Variants in NTRK3 observed in about 807,000 individuals in gnomAD.
NTRK3 encodes the protein NT-3 growth factor receptor.
NTRK3 carries 24 observed loss-of-function variants against 91.7 expected under a neutral mutation model. The ratio of observed to expected loss-of-function variants is 0.26; its 90% CI spans 0.19 to 0.37. The LOEUF (loss-of-function observed/expected upper bound fraction) is 0.37, where lower values mean the gene tolerates loss of function less well. Ranked by LOEUF, NTRK3 falls within the 10% of genes least tolerant of loss-of-function variation. The probability of loss-of-function intolerance (pLI) is 1.00; values close to 1 mark genes in which losing one functional copy is unlikely to be tolerated. For synonymous variants in NTRK3, 483 were observed against 404.0 expected, an observed-to-expected ratio of 1.20 and a Z score of -2.34; for missense variants, 880 against 1,068.9, an observed-to-expected ratio of 0.82 and a Z score of 2.46.
intron 13 of NTRK3, chr15:88,099,155 A>G: frequency 4.3e-6 from 1 of 230,938 alleles, no homozygotes; most frequent in South Asian, 1.8e-4. Flanking sequence ...GGAGGCTGTG[A>G]GAGGCTCCAG....
chr15:88,247,202 TCTC>T (rs1336016194), intron 3 of NTRK3, among the ~76,000 whole-genome samples: 2 of 151,994 alleles, frequency 1.3e-5, no homozygotes, highest in Non-Finnish European at 2.9e-5. Flanking sequence ...CCCTTCGTGT[TCTC>T]CTCTTCTCTG....
chr15:87,860,691 G>A (rs1560976), exon 19 of NTRK3: 108,840 of 208,042 alleles, frequency 0.52, 30,410 homozygotes, highest in Non-Finnish European at 0.61. Context: ...GATACGATTA[G>A]TAAAACCCAG....
chr15:88,198,459 T>C (rs2048018020), intron 3 of NTRK3, among the ~76,000 whole-genome samples: 1 of 152,168 alleles, frequency 6.6e-6, no homozygotes, highest in South Asian at 2.1e-4. Context: ...TCCTCTCCCC[T>C]AAGCTTTTAA....
chr15:88,197,808 A>G (rs1023865990), intron 3 of NTRK3, among the ~76,000 whole-genome samples: 1 of 152,086 alleles, frequency 6.6e-6, no homozygotes, highest in Non-Finnish European at 1.5e-5. Context: ...AGAGAAATCC[A>G]CCTGCCAGGC....
chr15:88,163,922 C>A (rs772069949), intron 5 of NTRK3, among the ~76,000 whole-genome samples: 4 of 152,174 alleles, frequency 2.6e-5, no homozygotes, highest in Non-Finnish European at 5.9e-5. Context: ...CACTTTACAG[C>A]AGTGAACAAA....
intron 13 of NTRK3, among the ~76,000 whole-genome samples, chr15:88,110,264 A>G (rs2051187941): frequency 6.6e-6 from 1 of 152,184 alleles, no homozygotes; most frequent in South Asian, 2.1e-4. Flanking sequence ...TCAGGTAAAC[A>G]TGGAGGTGGG....
In NTRK3 at chr15:87,976,718, T is replaced by G. The variant is rs1007708959; in HGVS notation, c.1586-35965A>C. Among the ~76,000 whole-genome samples the G allele has an allele frequency of 2.6e-5, 4 of 152,156 alleles. No homozygotes were observed. The East Asian group carries it at 7.7e-4, about 29-fold the overall frequency. Reference sequence around the variant, plus strand: ...TCCCTCCTGGCAGCCCACATGAAACTTGCCATGAGAGTGTGGCTCACCTGA... The same window carrying G: ...TCCCTCCTGGCAGCCCACATGAAACGTGCCATGAGAGTGTGGCTCACCTGA... On this transcript the variant is annotated intron_variant, in intron 14 of 18. Transcript: ENST00000394480.
chr15:88,091,619 A>G (rs1024886627), intron 13 of NTRK3, among the ~76,000 whole-genome samples: 10 of 152,098 alleles, frequency 6.6e-5, no homozygotes, highest in Non-Finnish European at 1.2e-4. Context: ...GCACAAGGGT[A>G]GGGAGATCAC....
chr15:87,940,674 G>T (rs55799747), exon 15 of NTRK3: 1 of 1,614,070 alleles, frequency 6.2e-7, no homozygotes, highest in Admixed American at 1.7e-5. Flanking sequence ...TGTAGCACTC[G>T]GCCAGGAAGA....
chr15:88,038,790 C>T (rs1184828539), intron 13 of NTRK3, among the ~76,000 whole-genome samples: 1 of 152,058 alleles, frequency 6.6e-6, no homozygotes, highest in Admixed American at 6.6e-5. Flanking sequence ...CAAACATCCC[C>T]TGTGGTGACG....
chr15:88,256,141 G>C, exon 3 of NTRK3: 1 of 1,564,890 alleles, frequency 6.4e-7, no homozygotes, highest in Non-Finnish European at 8.7e-7. Flanking sequence ...GCTGGGCAAA[G>C]AGAGACATCC....
chr15:87,994,616 G>A (rs190880030), intron 14 of NTRK3, among the ~76,000 whole-genome samples: 6 of 152,172 alleles, frequency 3.9e-5, no homozygotes, highest in Non-Finnish European at 8.8e-5. Flanking sequence ...ATAAATTTCT[G>A]TTGTTCTAGG....
chr15:87,870,690 G>T (rs2064807446), exon 19 of NTRK3: 1 of 220,372 alleles, frequency 4.5e-6, no homozygotes, highest in Non-Finnish European at 9.1e-6. Flanking sequence ...CAAAAAAGAT[G>T]TCTAAATTTA....
intron 13 of NTRK3, among the ~76,000 whole-genome samples, chr15:88,069,353 GAGTC>G (rs755324132): frequency 3.3e-5 from 5 of 152,198 alleles, no homozygotes; most frequent in Non-Finnish European, 7.3e-5. Flanking sequence ...CCATCTTGAT[GAGTC>G]ACATTCAACA....
At chr15:87,914,057 C>A (rs1210583548) in intron 17 of NTRK3, among the ~76,000 whole-genome samples, 1 of 152,150 alleles carries the variant, frequency 6.6e-6, no homozygotes, top group Non-Finnish European at 1.5e-5. Context: ...AAGCCAGGAA[C>A]CCTGTTGTTA....
chr15:87,993,140 C>A (rs2075414893), intron 14 of NTRK3, among the ~76,000 whole-genome samples: 1 of 152,186 alleles, frequency 6.6e-6, no homozygotes. Flanking sequence ...CTCCTGGAAC[C>A]AACATCTTCA....
intron 3 of NTRK3, among the ~76,000 whole-genome samples, chr15:88,250,800 T>C (rs2053272780): frequency 6.6e-6 from 1 of 152,236 alleles, no homozygotes; most frequent in Admixed American, 6.5e-5. Context: ...ATCAAAAAGT[T>C]TATTTTATAA....
chr15:88,031,531 T>A (rs1276020022), intron 14 of NTRK3, among the ~76,000 whole-genome samples: 1 of 152,182 alleles, frequency 6.6e-6, no homozygotes, highest in Non-Finnish European at 1.5e-5. Context: ...AAAACAGGTA[T>A]CTCTCTTCCT....
chr15:87,885,801 A>C, intron 17 of NTRK3, 66 bp from the exon 18 acceptor site: 1 of 642,826 alleles, frequency 1.6e-6, no homozygotes, highest in Non-Finnish European at 2.3e-6. Context: ...CTTTATCCTC[A>C]GAAAAGGAAG....
Sources: allele counts gnomAD v4.1 joint callset (sites outside exome capture counted in the v4.1 genomes callset), GRCh38; gene constraint gnomAD v4.1.1; transcripts MANE v1.5; gene names NCBI Gene and HGNC (gene_info 2026-07-23, HGNC 2026-07-21).